The following RASAL2 variants were observed in gnomAD, a reference collection of about 807,000 sequenced individuals.
The protein encoded by RASAL2 is ras GTPase-activating protein nGAP.
Under a neutral mutation model 128.9 loss-of-function variants are expected in RASAL2, and 58 were observed. The ratio of observed to expected loss-of-function variants is 0.45; its 90% CI spans 0.36 to 0.56. The LOEUF (loss-of-function observed/expected upper bound fraction) is 0.56, where lower values mean the gene tolerates loss of function less well. Ranked by LOEUF, RASAL2 falls within the 20% of genes least tolerant of loss-of-function variation. The probability of loss-of-function intolerance (pLI) is 0.00; values close to 1 mark genes in which losing one functional copy is unlikely to be tolerated. For synonymous variants in RASAL2, 561 were observed against 580.8 expected (o/e 0.97, Z 0.49); for missense variants, 1,360 against 1,601.6 (o/e 0.85, Z 2.57).
intron 1 of RASAL2, among the ~76,000 whole-genome samples, chr1:178,121,334 C>T (rs576076788): frequency 1.3e-5 from 2 of 152,272 alleles, no homozygotes; most frequent in Admixed American, 6.5e-5. Context: ...CAGTGTTCCT[C>T]ATAACAACTT....
At chr1:178,217,502 T>C (rs1412525317) in intron 1 of RASAL2, among the ~76,000 whole-genome samples, 9 of 152,186 alleles carry the variant, frequency 5.9e-5, no homozygotes, top group Admixed American at 2.6e-4. Context: ...ATTTATGAGT[T>C]TTGACAAGCT....
intron 3 of RASAL2, among the ~76,000 whole-genome samples, chr1:178,343,915 A>G (rs1282012144): frequency 6.6e-6 from 1 of 152,132 alleles, no homozygotes; most frequent in Non-Finnish European, 1.5e-5. Context: ...ATAATTTAAT[A>G]TGTTTACACA....
intron 17 of RASAL2, among the ~76,000 whole-genome samples, chr1:178,468,423 C>T (rs188779716): frequency 3.3e-5 from 5 of 152,304 alleles, no homozygotes; most frequent in Admixed American, 6.5e-5. Flanking sequence ...TATTTTAGAG[C>T]CCCCAGTATT....
chr1:178,228,714 T>C (rs759878589), intron 1 of RASAL2, among the ~76,000 whole-genome samples: 25 of 152,222 alleles, frequency 1.6e-4, no homozygotes, highest in Non-Finnish European at 7.3e-5. Flanking sequence ...AATTTTACCA[T>C]GTGGATTTCA....
intron 3 of RASAL2, among the ~76,000 whole-genome samples, chr1:178,367,326 A>G (rs1363997934): frequency 6.6e-6 from 1 of 152,110 alleles, no homozygotes; most frequent in Non-Finnish European, 1.5e-5. Flanking sequence ...CAGTTTAGTC[A>G]AATGTCAACC....
intron 5 of RASAL2, among the ~76,000 whole-genome samples, chr1:178,438,983 T>C (rs1460600231): frequency 6.7e-6 from 1 of 150,290 alleles, no homozygotes; most frequent in Non-Finnish European, 1.5e-5. Context: ...TACTATTCTG[T>C]CAATCATATA....
At chr1:178,109,525 A>G (rs760658731) in intron 1 of RASAL2, among the ~76,000 whole-genome samples, 24 of 152,158 alleles carry the variant, frequency 1.6e-4, no homozygotes, top group Non-Finnish European at 2.9e-4. Context: ...TTCATAATTT[A>G]TATCCCAGGG....
At chr1:178,343,193 T>A (rs1207328489) in intron 3 of RASAL2, among the ~76,000 whole-genome samples, 1 of 152,220 alleles carries the variant, frequency 6.6e-6, no homozygotes, top group Non-Finnish European at 1.5e-5. Flanking sequence ...TTTGGCTGGG[T>A]CTGTGTAAGT....
At chr1:178,292,799 A>C (rs1353869009) in intron 2 of RASAL2, among the ~76,000 whole-genome samples, 1 of 152,134 alleles carries the variant, frequency 6.6e-6, no homozygotes, top group Non-Finnish European at 1.5e-5. Flanking sequence ...TTATGAGTTT[A>C]TTTCTTTTGG....
chr1:178,160,838 T>G (rs1003942854), intron 1 of RASAL2, among the ~76,000 whole-genome samples: 1 of 152,218 alleles, frequency 6.6e-6, no homozygotes. Context: ...TAAGCAGGCT[T>G]CTTTTTAAGA....
At chr1:178,182,908 G>A (rs1191148103) in intron 1 of RASAL2, among the ~76,000 whole-genome samples, 1 of 152,096 alleles carries the variant, frequency 6.6e-6, no homozygotes, top group African/African-American at 2.4e-5. Context: ...ACCTCAGATC[G>A]TCAGGCGTTA....
chr1:178,258,244 A>G (rs1665478276), intron 1 of RASAL2, among the ~76,000 whole-genome samples: 2 of 149,514 alleles, frequency 1.3e-5, no homozygotes, highest in Admixed American at 1.3e-4. Context: ...CAGTGAGCCA[A>G]GATCGCGCCA....
intron 1 of RASAL2, among the ~76,000 whole-genome samples, chr1:178,240,773 T>C (rs1664463793): frequency 6.6e-6 from 1 of 151,748 alleles, no homozygotes; most frequent in Non-Finnish European, 1.5e-5. Flanking sequence ...TATTTTTCCC[T>C]GAACAAAATT....
chr1:178,395,492 A>G (rs1219236913), intron 4 of RASAL2, among the ~76,000 whole-genome samples: 1 of 152,092 alleles, frequency 6.6e-6, no homozygotes, highest in African/African-American at 2.4e-5. Flanking sequence ...TCAGATGACC[A>G]ATGTAAATTT....
chr1:178,268,522 T>C (rs1194425788), intron 1 of RASAL2, among the ~76,000 whole-genome samples: 1 of 151,998 alleles, frequency 6.6e-6, no homozygotes. Context: ...TCATCATGGC[T>C]ACTTGGGAGG....
At chr1:178,129,408 A>T (rs1303003107) in intron 1 of RASAL2, among the ~76,000 whole-genome samples, 2 of 152,068 alleles carry the variant, frequency 1.3e-5, no homozygotes, top group East Asian at 3.8e-4. Flanking sequence ...CTGAAGTGTC[A>T]CTTCATATGT....
chr1:178,131,664 A>G (rs1237311896), intron 1 of RASAL2, among the ~76,000 whole-genome samples: 2 of 151,914 alleles, frequency 1.3e-5, no homozygotes, highest in Non-Finnish European at 2.9e-5. Context: ...CAACTATCTT[A>G]TTTCCTTATC....
At chr1:178,160,754 TG>T (rs1197654835) in intron 1 of RASAL2, among the ~76,000 whole-genome samples, 11 of 152,346 alleles carry the variant, frequency 7.2e-5, no homozygotes, top group African/African-American at 2.6e-4. Flanking sequence ...TGGAACACTG[TG>T]AAAGAAACGT....
chr1:178,247,833 A>T (rs975165779), intron 1 of RASAL2, among the ~76,000 whole-genome samples: 26 of 152,190 alleles, frequency 1.7e-4, no homozygotes, highest in African/African-American at 6.0e-4. Flanking sequence ...TTTACGCAGT[A>T]GTCATGCAGG....
Sources: gnomAD v4.1 joint callset for allele counts (sites outside exome capture counted in the v4.1 genomes callset) on GRCh38, gnomAD v4.1.1 for gene constraint, MANE v1.5 for transcripts, NCBI Gene and HGNC (gene_info 2026-07-23, HGNC 2026-07-21) for gene names.